The following FBXL5 variants were observed in gnomAD, a reference collection of about 807,000 sequenced individuals.
The protein encoded by FBXL5 is F-box/LRR-repeat protein 5.
Under a neutral mutation model 78.3 loss-of-function variants are expected in FBXL5, and 26 were observed. The ratio of observed to expected loss-of-function variants is 0.33; its 90% CI spans 0.24 to 0.46. The LOEUF is 0.46. Among genes scored for constraint, FBXL5 ranks in the 20% least tolerant of loss-of-function variants. The pLI is 1.00. For missense variants in FBXL5, 710 were observed against 829.2 expected (o/e 0.86, Z 1.77); for synonymous variants, 295 against 282.5 (o/e 1.04, Z -0.45).
intron 1 of FBXL5, among the ~76,000 whole-genome samples, chr4:15,666,304 T>G (rs1304910661): frequency 6.6e-6 from 1 of 150,676 alleles, no homozygotes; most frequent in Non-Finnish European, 1.5e-5. Flanking sequence ...GAGGCTGAGG[T>G]GGGAAGATTG....
chr4:15,629,132 G>A (rs73241111), intron 6 of FBXL5, among the ~76,000 whole-genome samples: 13,894 of 152,058 alleles, frequency 0.091, 780 homozygotes, highest in Non-Finnish European at 0.12. Flanking sequence ...AAAAAGCACT[G>A]AAGTAAATGA....
At chr4:15,645,486 G>C (rs774096531) in intron 1 of FBXL5, among the ~76,000 whole-genome samples, 1 of 151,936 alleles carries the variant, frequency 6.6e-6, no homozygotes, top group South Asian at 2.1e-4. Flanking sequence ...AGAGTGCAGG[G>C]GCATGATCTC....
At chr4:15,618,324 G>A (rs1343837346) in intron 9 of FBXL5, among the ~76,000 whole-genome samples, 1 of 152,084 alleles carries the variant, frequency 6.6e-6, no homozygotes, top group Non-Finnish European at 1.5e-5. Context: ...TTATACCTAG[G>A]AGTCTGAAGG....
chr4:15,635,849 A>T (rs1282965131), intron 5 of FBXL5, among the ~76,000 whole-genome samples: 2 of 151,944 alleles, frequency 1.3e-5, no homozygotes, highest in African/African-American at 2.4e-5. Flanking sequence ...TATTTAACCC[A>T]TAACTGCATT....
intron 9 of FBXL5, among the ~76,000 whole-genome samples, chr4:15,621,890 G>A (rs1361244566): frequency 6.6e-6 from 1 of 152,140 alleles, no homozygotes; most frequent in Non-Finnish European, 1.5e-5. Context: ...GTGCAATAGT[G>A]CCATCTCAGC....
At chr4:15,611,223 G>C (rs930579456) in intron 10 of FBXL5, among the ~76,000 whole-genome samples, 1 of 152,086 alleles carries the variant, frequency 6.6e-6, no homozygotes, top group African/African-American at 2.4e-5. Context: ...CCTGAAATAA[G>C]AGAGCTACCA....
chr4:15,609,868 T>TA (rs1390533521), intron 10 of FBXL5, among the ~76,000 whole-genome samples: 3 of 152,068 alleles, frequency 2.0e-5, no homozygotes, highest in Non-Finnish European at 4.4e-5. Flanking sequence ...AAATCTCTGC[T>TA]AATGCTTGGA....
At chr4:15,613,339 A>C (rs1722397507) in intron 9 of FBXL5, among the ~76,000 whole-genome samples, 1 of 152,178 alleles carries the variant, frequency 6.6e-6, no homozygotes, top group Non-Finnish European at 1.5e-5. Context: ...AAAAGCAGTA[A>C]ATTTTATGGT....
upstream of FBXL5, among the ~76,000 whole-genome samples, chr4:15,660,852 G>A (rs995675170): frequency 3.9e-5 from 6 of 152,220 alleles, no homozygotes; most frequent in South Asian, 2.1e-4. Context: ...CGAGGTGGGC[G>A]GATCACTTCA....
At chr4:15,655,766 T>G (rs1716858785), upstream of FBXL5, among the ~76,000 whole-genome samples, 1 of 152,092 alleles carries the variant, frequency 6.6e-6, no homozygotes, top group African/African-American at 2.4e-5. Context: ...TTGGCCTGGG[T>G]GACCAATGCT....
At position 15,637,902 on chromosome 4, in the gene FBXL5, TAAA is replaced by T. The variant is rs10711266; in HGVS notation, c.583+603_583+605del. Among the ~76,000 whole-genome samples the T allele has an allele frequency of 3.7e-3, 539 of 144,828 alleles. 1 individual carries two copies. The highest frequency in any genetic ancestry group is 4.4e-3 in the Non-Finnish European group (290 of 65,768). On this transcript the variant is annotated intron_variant, in intron 4 of 10. Coordinates refer to ENST00000341285, the MANE Select transcript of FBXL5 (RefSeq NM_012161.4). ...ATAATTACTGAGGAACTAGTTTTTT[TAAA>T]AAAAAAAAAAAAGGCAGCACGTTTT...
intron 1 of FBXL5, among the ~76,000 whole-genome samples, chr4:15,681,126 T>G (rs1718242038): frequency 6.6e-6 from 1 of 152,080 alleles, no homozygotes; most frequent in African/African-American, 2.4e-5. Flanking sequence ...TGAAATGCAG[T>G]TTTATGTTAA....
At chr4:15,658,442 T>C (rs1007083699), upstream of FBXL5, among the ~76,000 whole-genome samples, 32 of 152,332 alleles carry the variant, frequency 2.1e-4, no homozygotes, top group African/African-American at 7.0e-4. Flanking sequence ...AAGAGGTGAT[T>C]GGGTCATGAA....
At chr4:15,654,237 A>T (rs1386053309) in intron 1 of FBXL5, among the ~76,000 whole-genome samples, 1 of 152,244 alleles carries the variant, frequency 6.6e-6, no homozygotes, top group Non-Finnish European at 1.5e-5. Context: ...AACAGTAGTC[A>T]TTTGAATGCT....
At chr4:15,641,651 T>A (rs1350664428) in intron 2 of FBXL5, 1 of 448,840 alleles carries the variant, frequency 2.2e-6, no homozygotes, top group East Asian at 6.9e-5. Flanking sequence ...TTTGAGAGAT[T>A]CAAAAGTTAT....
chr4:15,617,738 A>G lies in FBXL5; in HGVS notation c.1851-5324T>C, dbSNP rs181382179. ...AACCAAATACCGCATGTTCTCACTT[A>G]TAAGTGGCAGCTAAACGATCAGAAC... On this transcript the variant is annotated intron_variant, in intron 9 of 10. Transcript: ENST00000341285. Among the ~76,000 whole-genome samples the G allele has an allele frequency of 1.2e-3, 183 of 152,302 alleles. 2 individuals are homozygous for G. Among genetic ancestry groups the G allele is most frequent in the African/African-American group, 4.0e-3 (167 of 41,564 alleles).
At chr4:15,629,119 C>G (rs1373830121) in intron 6 of FBXL5, among the ~76,000 whole-genome samples, 1 of 151,686 alleles carries the variant, frequency 6.6e-6, no homozygotes, top group Non-Finnish European at 1.5e-5. Flanking sequence ...GCAGCCAAAC[C>G]GAAAAAAGCA....
upstream of FBXL5, among the ~76,000 whole-genome samples, chr4:15,656,801 A>G (rs1023558624): frequency 1.3e-5 from 2 of 152,088 alleles, no homozygotes; most frequent in African/African-American, 4.8e-5. Context: ...TTATAACAGT[A>G]CCGTCTGTAA....
At position 15,666,828 on chromosome 4, in the gene FBXL5, AAAACT is replaced by A. The variant is rs955106798; in HGVS notation, c.-283-6911_-283-6907del. Among the ~76,000 whole-genome samples, 287 of 152,224 alleles carry A rather than the reference AAAACT, an allele frequency of 1.9e-3. 1 individual carries two copies. Among genetic ancestry groups the A allele is most frequent in the African/African-American group, 6.5e-3 (268 of 41,518 alleles). On this transcript the variant is annotated intron_variant, in intron 1 of 4. Coordinates refer to the FBXL5 transcript ENST00000507899. ...AGAGCTGCTACCTGTCTCAACAAAC[AAAACT>A]AAACTAAACTAAGAGTAAATTTCAA...
Sources: allele counts gnomAD v4.1 joint callset (sites outside exome capture counted in the v4.1 genomes callset), GRCh38; gene constraint gnomAD v4.1.1; transcripts MANE v1.5; gene names NCBI Gene and HGNC (gene_info 2026-07-23, HGNC 2026-07-21).